The following PDGFD variants were observed in gnomAD, a reference collection of about 807,000 sequenced individuals.
PDGFD encodes the protein platelet derived growth factor D, also known as platelet-derived growth factor D.
In PDGFD, 30 loss-of-function variants were observed where a neutral mutation model predicts 44.7. That is an observed-to-expected ratio of 0.67 (90% CI 0.50 to 0.91). The LOEUF is 0.91. Ranked by LOEUF, PDGFD falls within the 40% of genes least tolerant of loss-of-function variation. The probability of loss-of-function intolerance (pLI) is 0.00; values close to 1 mark genes in which losing one functional copy is unlikely to be tolerated. For synonymous variants in PDGFD, 173 were observed against 168.4 expected (o/e 1.03, Z -0.21); for missense variants, 445 against 457.8 (o/e 0.97, Z 0.25).
chr11:104,002,554 A>G (rs922109588), intron 1 of PDGFD, among the ~76,000 whole-genome samples: 1 of 152,224 alleles, frequency 6.6e-6, no homozygotes, highest in Non-Finnish European at 1.5e-5. Context: ...TTCTTAATAA[A>G]TTACCCAGTC....
At chr11:103,978,692 TG>T (rs576663045) in intron 3 of PDGFD, among the ~76,000 whole-genome samples, 48 of 152,186 alleles carry the variant, frequency 3.2e-4, no homozygotes, top group Non-Finnish European at 6.6e-4. Flanking sequence ...TAGAAATGTT[TG>T]TAGATTTGGC....
intron 3 of PDGFD, among the ~76,000 whole-genome samples, chr11:103,991,538 TG>T (rs1235209157): frequency 1.3e-5 from 2 of 152,322 alleles, no homozygotes; most frequent in African/African-American, 4.8e-5. Flanking sequence ...CAAATTTCAA[TG>T]TATAAAATAA....
rs568415878 is a variant in PDGFD at position 103,939,700 on chromosome 11, C to A, written c.772+3752G>T. ...ATAATTTCACTTAATTTTATGCACA[C>A]TTCCGATACTCATTATTAGTATATC... On this transcript the variant is annotated intron_variant, in intron 5 of 6. Coordinates refer to ENST00000393158, the MANE Select transcript of PDGFD (RefSeq NM_025208.5). 1.9e-4 allele frequency among the ~76,000 whole-genome samples: 29 copies of A among 152,180 alleles called. No individual in the cohort carries two copies. In the South Asian group the frequency reaches 6.0e-3, roughly 32 times the overall value.
At chr11:103,913,975 G>C (rs1858072336) in intron 6 of PDGFD, among the ~76,000 whole-genome samples, 2 of 151,924 alleles carry the variant, frequency 1.3e-5, no homozygotes, top group South Asian at 4.2e-4. Flanking sequence ...GGTGAATGCA[G>C]AAATAAAAGA....
At chr11:104,093,151 C>G (rs1459979171) in intron 1 of PDGFD, among the ~76,000 whole-genome samples, 2 of 152,050 alleles carry the variant, frequency 1.3e-5, no homozygotes, top group African/African-American at 2.4e-5. Flanking sequence ...AAGCTAGCAG[C>G]CCTTCTAGGA....
intron 1 of PDGFD, among the ~76,000 whole-genome samples, chr11:104,143,844 AATTTGTCTACTTTT>A: frequency 6.6e-6 from 1 of 152,254 alleles, no homozygotes. Context: ...TTATAAAACC[AATTTGTCTACTTTT>A]CAAACGCAGT....
intron 1 of PDGFD, among the ~76,000 whole-genome samples, chr11:104,027,898 T>C (rs76438280): frequency 0.032 from 4,944 of 152,162 alleles, 288 homozygotes; most frequent in African/African-American, 0.11. Flanking sequence ...CCTATTAGAT[T>C]AAAAAGCATA....
At chr11:104,145,644 T>G (rs1359102370) in intron 1 of PDGFD, among the ~76,000 whole-genome samples, 1 of 152,218 alleles carries the variant, frequency 6.6e-6, no homozygotes, top group Non-Finnish European at 1.5e-5. Flanking sequence ...TTAGGCCTTT[T>G]AGACTTATTT....
At chr11:103,919,098 T>C (rs1858169526) in intron 6 of PDGFD, among the ~76,000 whole-genome samples, 1 of 152,192 alleles carries the variant, frequency 6.6e-6, no homozygotes, top group East Asian at 1.9e-4. Flanking sequence ...AATGGGGATC[T>C]TGACTCCTCT....
chr11:104,141,051 C>T (rs1283051032), intron 1 of PDGFD, among the ~76,000 whole-genome samples: 1 of 152,170 alleles, frequency 6.6e-6, no homozygotes, highest in African/African-American at 2.4e-5. Context: ...TTCTATCTCT[C>T]TTCTTCTCCA....
intron 2 of PDGFD, 87 bp downstream of exon 2, chr11:103,999,964 A>T: frequency 8.2e-7 from 1 of 1,220,420 alleles, no homozygotes; most frequent in East Asian, 2.3e-5. Flanking sequence ...AAAAGGCTCA[A>T]AAGGAATGTT....
At chr11:103,941,420 C>T (rs1280922650) in intron 5 of PDGFD, among the ~76,000 whole-genome samples, 1 of 152,070 alleles carries the variant, frequency 6.6e-6, no homozygotes, top group Non-Finnish European at 1.5e-5. Context: ...ATCACAGGGA[C>T]TACATCACAG....
chr11:104,038,524 TA>T (rs1291311388), intron 1 of PDGFD: 2 of 171,168 alleles, frequency 1.2e-5, no homozygotes, highest in Non-Finnish European at 2.8e-5. Flanking sequence ...ACTATGATGT[TA>T]ACTAATACTT....
intron 1 of PDGFD, among the ~76,000 whole-genome samples, chr11:104,074,284 A>G (rs1376984315): frequency 2.6e-5 from 4 of 152,188 alleles, no homozygotes; most frequent in Admixed American, 6.5e-5. Flanking sequence ...AACTTGCGAG[A>G]ACAGTACATC....
rs533364868 is a variant in PDGFD, at chr11:103,956,763, G to A, written c.511-9039C>T. ...TTTAATGATTGCCATTCTAACTGGC[G>A]TGAGATGGTATCTCATTGTGGTTTT... On this transcript the variant is annotated intron_variant, in intron 3 of 6. Coordinates refer to ENST00000393158, the MANE Select transcript of PDGFD (RefSeq NM_025208.5). 8.8e-3 allele frequency among the ~76,000 whole-genome samples: 1,340 copies of A among 152,180 alleles called. 10 individuals carry two copies. Among genetic ancestry groups the A allele is most frequent in the Non-Finnish European group, 0.015 (1,013 of 68,016 alleles).
chr11:104,008,887 T>C (rs1859741747), intron 1 of PDGFD, among the ~76,000 whole-genome samples: 1 of 151,934 alleles, frequency 6.6e-6, no homozygotes, highest in Non-Finnish European at 1.5e-5. Flanking sequence ...ACATATTATA[T>C]ATGCATATTA....
intron 1 of PDGFD, among the ~76,000 whole-genome samples, chr11:104,141,525 C>T (rs1031191153): frequency 4.6e-5 from 7 of 151,896 alleles, no homozygotes; most frequent in Non-Finnish European, 7.4e-5. Flanking sequence ...AATTTGAACT[C>T]CTTAGCTCAA....
At chr11:104,156,769 C>A (rs1184630364) in intron 1 of PDGFD, among the ~76,000 whole-genome samples, 2 of 152,202 alleles carry the variant, frequency 1.3e-5, no homozygotes, top group Non-Finnish European at 2.9e-5. Flanking sequence ...ATGCTTTATT[C>A]TTGCTCTAGA....
At chr11:103,919,548 G>C (rs1324825245) in intron 6 of PDGFD, among the ~76,000 whole-genome samples, 1 of 81,662 alleles carries the variant, frequency 1.2e-5, no homozygotes, top group Non-Finnish European at 2.2e-5. Flanking sequence ...CAGTCTTCTT[G>C]CCCAGGCTAG....
Sources: allele counts gnomAD v4.1 joint callset (sites outside exome capture counted in the v4.1 genomes callset), GRCh38; gene constraint gnomAD v4.1.1; transcripts MANE v1.5; gene names NCBI Gene and HGNC (gene_info 2026-07-23, HGNC 2026-07-21).